Variants in GAS7 observed in about 807,000 individuals in gnomAD.
The protein encoded by GAS7 is growth arrest-specific protein 7.
GAS7 carries 28 observed loss-of-function variants against 71.1 expected under a neutral mutation model. The ratio of observed to expected loss-of-function variants is 0.39; its 90% CI spans 0.29 to 0.54. GAS7 has a LOEUF of 0.54. Among genes scored for constraint, GAS7 ranks in the 20% least tolerant of loss-of-function variants. The pLI is 0.62. For missense variants in GAS7, 436 were observed against 627.8 expected (o/e 0.69, Z 3.27); for synonymous variants, 258 against 245.8 (o/e 1.05, Z -0.46).
At chr17:10,029,995 G>C (rs551196715) in intron 1 of GAS7, among the ~76,000 whole-genome samples, 15 of 152,184 alleles carry the variant, frequency 9.9e-5, no homozygotes, top group Non-Finnish European at 1.9e-4. Context: ...TGAAGCATCC[G>C]TGTCCTGTTG....
intron 1 of GAS7, among the ~76,000 whole-genome samples, chr17:10,091,967 T>A (rs140666776): frequency 9.5e-5 from 14 of 147,750 alleles, no homozygotes; most frequent in Non-Finnish European, 1.6e-4. Context: ...TGTCTCAATT[T>A]AAAAAAAAAA....
intron 1 of GAS7, among the ~76,000 whole-genome samples, chr17:10,138,231 C>T (rs1411525259): frequency 1.3e-5 from 2 of 152,036 alleles, no homozygotes; most frequent in African/African-American, 2.4e-5. Flanking sequence ...TCCCAAAGTG[C>T]TGGGATTACA....
chr17:10,036,022 G>A (rs996194184), intron 1 of GAS7, among the ~76,000 whole-genome samples: 1 of 152,136 alleles, frequency 6.6e-6, no homozygotes, highest in Non-Finnish European at 1.5e-5. Context: ...TTTCTTACTT[G>A]GAAAAAGTTA....
At chr17:10,089,546 C>T (rs2073558807) in intron 1 of GAS7, among the ~76,000 whole-genome samples, 1 of 151,800 alleles carries the variant, frequency 6.6e-6, no homozygotes, top group South Asian at 2.1e-4. Context: ...ATTTAAAGAC[C>T]ATGAGTTTCA....
intron 1 of GAS7, among the ~76,000 whole-genome samples, chr17:10,062,300 C>T (rs552363552): frequency 3.3e-5 from 5 of 152,342 alleles, no homozygotes; most frequent in East Asian, 1.9e-4. Context: ...GCCTGGCCAA[C>T]GTGGCGAAAC....
At chr17:10,118,861 T>A (rs2073883875) in intron 1 of GAS7, among the ~76,000 whole-genome samples, 1 of 152,012 alleles carries the variant, frequency 6.6e-6, no homozygotes, top group Non-Finnish European at 1.5e-5. Context: ...GAGGCAAGTG[T>A]TCCCCTCCCA....
chr17:10,025,624 T>C (rs2072437472), intron 1 of GAS7, among the ~76,000 whole-genome samples: 2 of 150,330 alleles, frequency 1.3e-5, no homozygotes, highest in Admixed American at 6.6e-5. Flanking sequence ...ACCCAGAGAT[T>C]ACAGAGATCA....
chr17:10,098,043 CAAA>C (rs34381280), intron 1 of GAS7, among the ~76,000 whole-genome samples: 21 of 136,824 alleles, frequency 1.5e-4, no homozygotes, highest in Non-Finnish European at 1.6e-4. Flanking sequence ...GACTCCATCT[CAAA>C]AAAAAAAAAA....
At position 9,917,103 on chromosome 17, in the gene GAS7, C is replaced by G. The variant is rs1390662836; in HGVS notation, c.*125G>C. 2.9e-6 allele frequency: 2 copies of G among 692,202 alleles called. No individual in the cohort carries two copies. The highest frequency in any genetic ancestry group is 1.8e-5 in the African/African-American group (1 of 56,624). 42.9% of individuals were successfully genotyped at this position (692,202 alleles called of 1,614,324 possible). On this transcript the variant is annotated 3_prime_UTR_variant, in exon 14 of 14. Transcript: ENST00000432992. Reference sequence around the variant, plus strand: ...TGTCCGGGTCACCCTTCTGGAATCACCAGCTCTCTCCCCTCTCCTCAGTGG... The same window carrying G: ...TGTCCGGGTCACCCTTCTGGAATCAGCAGCTCTCTCCCCTCTCCTCAGTGG...
chr17:10,104,959 C>T (rs1444232661), intron 1 of GAS7, among the ~76,000 whole-genome samples: 1 of 152,184 alleles, frequency 6.6e-6, no homozygotes, highest in African/African-American at 2.4e-5. Context: ...CTTTGCACTA[C>T]TCCTAGAAAA....
chr17:9,965,027 A>G (rs1206183901), intron 4 of GAS7, among the ~76,000 whole-genome samples: 2 of 152,118 alleles, frequency 1.3e-5, no homozygotes, highest in Non-Finnish European at 2.9e-5. Flanking sequence ...AGCCAGAACA[A>G]TTGAAAGGTG....
At chr17:10,162,575 A>C (rs1013189834) in intron 1 of GAS7, among the ~76,000 whole-genome samples, 1 of 152,164 alleles carries the variant, frequency 6.6e-6, no homozygotes, top group African/African-American at 2.4e-5. Context: ...TGATCTTTTC[A>C]TGTCACTGGC....
chr17:9,997,086 G>T (rs2071077265), intron 2 of GAS7, among the ~76,000 whole-genome samples: 1 of 152,110 alleles, frequency 6.6e-6, no homozygotes, highest in Admixed American at 6.5e-5. Context: ...TTTAGCGTAT[G>T]GTAAAGAGGT....
intron 9 of GAS7, among the ~76,000 whole-genome samples, chr17:9,930,620 G>A (rs748182939): frequency 1.3e-5 from 2 of 152,150 alleles, no homozygotes; most frequent in Non-Finnish European, 2.9e-5. Flanking sequence ...TTGAGCTAAT[G>A]GACCAGAAAA....
chr17:10,174,791 G>C (rs1319498917), intron 1 of GAS7, among the ~76,000 whole-genome samples: 3 of 152,134 alleles, frequency 2.0e-5, no homozygotes, highest in Admixed American at 2.0e-4. Context: ...TCTTCCAAAA[G>C]ACACGTGCCA....
chr17:10,165,291 C>CAAAAAAAAAA (rs71365731), intron 1 of GAS7, among the ~76,000 whole-genome samples: 29 of 77,162 alleles, frequency 3.8e-4, no homozygotes, highest in South Asian at 1.4e-3. Flanking sequence ...GATTCCTTCT[C>CAAAAAAAAAA]AAAAAAAAAA....
chr17:10,036,281 C>T (rs778702269), intron 1 of GAS7, among the ~76,000 whole-genome samples: 1 of 151,982 alleles, frequency 6.6e-6, no homozygotes, highest in Non-Finnish European at 1.5e-5. Context: ...TGCCCCCTAG[C>T]ACACAGGGTC....
At chr17:10,159,098 T>TATA (rs1555538321) in intron 1 of GAS7, among the ~76,000 whole-genome samples, 2 of 45,516 alleles carry the variant, frequency 4.4e-5, no homozygotes, top group African/African-American at 9.5e-5. Context: ...ATATATATAT[T>TATA]AAAGATAACA....
chr17:10,017,995 G>A (rs2072110575), intron 2 of GAS7, among the ~76,000 whole-genome samples: 2 of 152,178 alleles, frequency 1.3e-5, no homozygotes, highest in African/African-American at 4.8e-5. Flanking sequence ...TTAATAGAGT[G>A]CAGGTGAAAT....
Sources: allele counts gnomAD v4.1 joint callset (sites outside exome capture counted in the v4.1 genomes callset), GRCh38; gene constraint gnomAD v4.1.1; transcripts MANE v1.5; gene names NCBI Gene and HGNC (gene_info 2026-07-23, HGNC 2026-07-21).